Variants in TCAIM observed in about 807,000 individuals in gnomAD.
TCAIM encodes T-cell activation inhibitor, mitochondrial.
TCAIM carries 36 observed loss-of-function variants against 58.6 expected under a neutral mutation model. That is an observed-to-expected ratio of 0.61 (90% CI 0.47 to 0.81). The LOEUF (loss-of-function observed/expected upper bound fraction) is 0.81. Among genes scored for constraint, TCAIM ranks in the 30% least tolerant of loss-of-function variants. TCAIM has a pLI of 0.00. For missense variants in TCAIM, 466 were observed against 579.6 expected (o/e 0.80, Z 2.01); for synonymous variants, 172 against 193.6 (o/e 0.89, Z 0.93).
chr3:44,384,587 A>G (rs115816446), intron 5 of TCAIM, among the ~76,000 whole-genome samples: 1,721 of 152,366 alleles, frequency 0.011, 36 homozygotes, highest in African/African-American at 0.039. Context: ...GACATACATT[A>G]GGGAGCTCAG....
At chr3:44,355,256 G>A (rs1395611923) in intron 2 of TCAIM, among the ~76,000 whole-genome samples, 1 of 152,190 alleles carries the variant, frequency 6.6e-6, no homozygotes. Flanking sequence ...TAAAAATGCA[G>A]GTCAGGGAGG....
chr3:44,396,248 A>T (rs969517658), intron 6 of TCAIM, 152 bp from the exon 7 acceptor site: 2 of 540,042 alleles, frequency 3.7e-6, no homozygotes, highest in Non-Finnish European at 6.3e-6. Context: ...AAAATTAGCT[A>T]GCTTAGAAAC....
chr3:44,386,672 G>A (rs376605896), intron 5 of TCAIM, among the ~76,000 whole-genome samples: 1 of 152,342 alleles, frequency 6.6e-6, no homozygotes, highest in Non-Finnish European at 1.5e-5. Context: ...GCACTGTCAC[G>A]ACCTGGCCAG....
intron 5 of TCAIM, among the ~76,000 whole-genome samples, chr3:44,387,934 C>T (rs1701770861): frequency 1.3e-5 from 2 of 152,012 alleles, no homozygotes; most frequent in Non-Finnish European, 2.9e-5. Context: ...AGAAAATTTG[C>T]AGAAATAATA....
intron 1 of TCAIM, among the ~76,000 whole-genome samples, chr3:44,347,719 G>A (rs1700998996): frequency 6.6e-6 from 1 of 152,188 alleles, no homozygotes. Flanking sequence ...GCTGTAACAG[G>A]CAAGTGATAA....
At chr3:44,372,073 G>C (rs928407022) in intron 5 of TCAIM, among the ~76,000 whole-genome samples, 19 of 121,162 alleles carry the variant, frequency 1.6e-4, no homozygotes, top group South Asian at 2.9e-4. Flanking sequence ...AAGGAAGGAA[G>C]GAAGATACAG....
At chr3:44,364,603 G>C (rs150332294) in intron 4 of TCAIM, among the ~76,000 whole-genome samples, 1 of 151,988 alleles carries the variant, frequency 6.6e-6, no homozygotes, top group Non-Finnish European at 1.5e-5. Flanking sequence ...TTAACCAGGC[G>C]TGGTGGCATG....
At chr3:44,346,488 C>G (rs554662498) in intron 1 of TCAIM, among the ~76,000 whole-genome samples, 14 of 152,258 alleles carry the variant, frequency 9.2e-5, no homozygotes, top group Admixed American at 5.9e-4. Context: ...GGGCAAATCC[C>G]CGAGCTTGAT....
At chr3:44,400,991 TAAGG>T in intron 9 of TCAIM, 2 of 616,382 alleles carry the variant, frequency 3.2e-6, no homozygotes, top group Non-Finnish European at 5.3e-6. Flanking sequence ...ATGTGACAGA[TAAGG>T]AAGGTCAGAG....
chr3:44,396,597 T>TA, intron 7 of TCAIM, 100 bp downstream of exon 7: 1 of 1,438,414 alleles, frequency 7.0e-7, no homozygotes, highest in Non-Finnish European at 9.5e-7. Context: ...GCTGAACTTT[T>TA]AAATCTGTTC....
At position 44,338,844 on chromosome 3, in the gene TCAIM, A is replaced by G. The variant is rs1356549197; in HGVS notation, c.-45+10A>G. ...GACCCTTGCCAGAACTGTAAGGAGC[A>G]AGAGGGGAGGGGCTCCGGTGGTGCA... On this transcript the variant is annotated intron_variant, in intron 1 of 10. Coordinates refer to ENST00000342649, the MANE Select transcript of TCAIM (RefSeq NM_173826.4). The G allele has an allele frequency of 6.6e-6, 1 of 152,250 alleles. No individual in the cohort carries two copies. Among genetic ancestry groups the G allele is most frequent in the Non-Finnish European group, 1.5e-5 (1 of 68,104 alleles). 9.4% of individuals were successfully genotyped at this position (152,250 alleles called of 1,614,324 possible).
chr3:44,358,202 T>TC (rs776310217), intron 3 of TCAIM: 14 of 618,930 alleles, frequency 2.3e-5, no homozygotes, highest in Admixed American at 1.2e-4. Flanking sequence ...TCTCTCTCTC[T>TC]TTTTTTTTTT....
chr3:44,390,210 G>A (rs1201025522), intron 5 of TCAIM, among the ~76,000 whole-genome samples: 1 of 152,116 alleles, frequency 6.6e-6, no homozygotes, highest in Non-Finnish European at 1.5e-5. Context: ...ATAATGATTT[G>A]TCAGTTTCAA....
At chr3:44,355,246 TA>T (rs11293734) in intron 2 of TCAIM, among the ~76,000 whole-genome samples, 74,073 of 151,960 alleles carry the variant, frequency 0.49, 19,315 homozygotes, top group East Asian at 0.81. Flanking sequence ...TTTGGATAGG[TA>T]AAAATGCAGG....
chr3:44,359,137 G>A, intron 3 of TCAIM: 1 of 948,976 alleles, frequency 1.1e-6, no homozygotes, highest in Non-Finnish European at 1.3e-6. Flanking sequence ...TGTAGTCCCA[G>A]CTACTAGGGA....
chr3:44,393,329 C>A (rs1014441342), intron 6 of TCAIM, among the ~76,000 whole-genome samples: 2 of 151,658 alleles, frequency 1.3e-5, no homozygotes, highest in African/African-American at 2.4e-5. Flanking sequence ...GGCACTATGG[C>A]CTGCACCTGT....
rs778433767 is a variant in TCAIM at position 44,401,252 on chromosome 3, A to G, written c.1168A>G (p.Thr390Ala). The G allele has an allele frequency of 1.9e-6, 3 of 1,614,116 alleles. No individual in the cohort carries two copies. Among genetic ancestry groups the G allele is most frequent in the African/African-American group, 1.3e-5 (1 of 75,044 alleles). ...LHELGHFNIP[T>A]LCDPANLQWF... ...TGAACTCGGGCATTTTAATATTCCA[A>G]CACTCTGTGATCCAGCAAATCTCCA... Residue 390 changes from threonine (T) to alanine (A), a missense_variant, in exon 10 of 11, where the codon ACA becomes GCA. Physicochemically the swap from Thr to Ala is moderately conservative, Grantham distance 58. Transcript: ENST00000342649.
At chr3:44,398,853 G>C (rs752157380) in intron 8 of TCAIM, among the ~76,000 whole-genome samples, 7 of 152,164 alleles carry the variant, frequency 4.6e-5, no homozygotes, top group Non-Finnish European at 1.0e-4. Flanking sequence ...AAAGGAATGA[G>C]CTATTGATAC....
In TCAIM at chr3:44,407,477, C is replaced by T; in HGVS notation, c.1286C>T (p.Ser429Leu). 6.2e-7 allele frequency: 1 copy of T among 1,602,872 alleles called. No homozygotes were observed. Among genetic ancestry groups the T allele is most frequent in the Non-Finnish European group, 8.5e-7 (1 of 1,170,774 alleles). The change falls in exon 11 of 11, where the codon TCA becomes TTA. Residue 429 changes from serine to leucine, a missense_variant. Coordinates refer to ENST00000342649, the MANE Select transcript of TCAIM (RefSeq NM_173826.4). ...ATTGAAAATGAATTGATACAGGCATCAACAAAGAAATTTTCTTTGGAGAAG... is the reference window on the plus strand; with the variant it reads ...ATTGAAAATGAATTGATACAGGCATTAACAAAGAAATTTTCTTTGGAGAAG... The part of the protein sequence containing the change: ...KVIENELIQA[S>L]TKKFSLEKLY...
Sources: gnomAD v4.1 joint callset for allele counts (sites outside exome capture counted in the v4.1 genomes callset) on GRCh38, gnomAD v4.1.1 for gene constraint, MANE v1.5 for transcripts, NCBI Gene and HGNC (gene_info 2026-07-23, HGNC 2026-07-21) for gene names.